Variants in DPP6 observed in about 807,000 individuals in gnomAD.
DPP6 encodes A-type potassium channel modulatory protein DPP6.
Under a neutral mutation model 122.6 loss-of-function variants are expected in DPP6, and 69 were observed. The ratio of observed to expected loss-of-function variants is 0.56; its 90% CI spans 0.46 to 0.69. DPP6 has a LOEUF of 0.69. Among genes scored for constraint, DPP6 ranks in the 30% least tolerant of loss-of-function variants. DPP6 has a pLI of 0.00. For missense variants in DPP6, 928 were observed against 1,116.9 expected (o/e 0.83, Z 2.41); for synonymous variants, 418 against 433.1 (o/e 0.97, Z 0.43).
At chr7:153,825,503 A>T in the DPP6 span, among the ~76,000 whole-genome samples, 2 of 152,142 alleles carry the variant, frequency 1.3e-5, no homozygotes, top group East Asian at 3.9e-4. Flanking sequence ...CCATTGTACC[A>T]GACAGTGCCC....
chr7:154,873,842 A>C (rs970842352), intron 19 of DPP6, among the ~76,000 whole-genome samples: 63 of 142,610 alleles, frequency 4.4e-4, no homozygotes, highest in Non-Finnish European at 7.3e-4. Context: ...AAACACACAC[A>C]TATGCATACC....
rs529538911 is a variant in DPP6 at position 154,340,575 on chromosome 7, C to A, written c.244-105639C>A. Among the ~76,000 whole-genome samples the A allele has an allele frequency of 5.9e-5, 9 of 152,272 alleles. 1 individual carries two copies. Among genetic ancestry groups the A allele is most frequent in the African/African-American group, 1.9e-4 (8 of 41,536 alleles). On this transcript the variant is annotated intron_variant, in intron 1 of 25. Coordinates refer to ENST00000377770, the MANE Select transcript of DPP6 (RefSeq NM_130797.4). Reference sequence around the variant, plus strand: ...TTATTGTGTTTTTAAAAAGTAGGGACCCAAACTGATCTTCATGCTATCTCT... The same window carrying A: ...TTATTGTGTTTTTAAAAAGTAGGGAACCAAACTGATCTTCATGCTATCTCT...
chr7:154,343,594 T>G (rs1202211184), intron 1 of DPP6, among the ~76,000 whole-genome samples: 1 of 152,184 alleles, frequency 6.6e-6, no homozygotes, highest in Non-Finnish European at 1.5e-5. Context: ...TTAGTTTTTG[T>G]TTTTGAAACA....
the DPP6 span, among the ~76,000 whole-genome samples, chr7:153,839,051 T>C: frequency 1.3e-5 from 2 of 152,068 alleles, no homozygotes; most frequent in African/African-American, 2.4e-5. Flanking sequence ...GCCTGAGAGT[T>C]TGCACTTCTA....
chr7:154,262,925 G>A (rs765047805), intron 1 of DPP6, among the ~76,000 whole-genome samples: 7 of 152,190 alleles, frequency 4.6e-5, no homozygotes, highest in South Asian at 2.1e-4. Flanking sequence ...GCACGTTTCC[G>A]ATTTATTAGG....
chr7:154,023,311 C>G (rs1049029636), intron 1 of DPP6, among the ~76,000 whole-genome samples: 4 of 129,432 alleles, frequency 3.1e-5, no homozygotes, highest in Non-Finnish European at 6.5e-5. Context: ...GGAAATGTTT[C>G]TTGTCTGCAC....
At chr7:153,897,092 G>A (rs954791363) in intron 1 of DPP6, among the ~76,000 whole-genome samples, 5 of 152,032 alleles carry the variant, frequency 3.3e-5, no homozygotes, top group Admixed American at 3.3e-4. Flanking sequence ...TTTTGTCTGT[G>A]CTATGTTATT....
chr7:154,091,714 C>T (rs1386360333), intron 1 of DPP6, among the ~76,000 whole-genome samples: 2 of 152,148 alleles, frequency 1.3e-5, no homozygotes, highest in Non-Finnish European at 2.9e-5. Flanking sequence ...CTCTTCCCCC[C>T]CTCACCACGT....
intron 1 of DPP6, chr7:154,092,905 A>G (rs190546604): frequency 1.3e-5 from 2 of 152,262 alleles, no homozygotes; most frequent in Non-Finnish European, 2.9e-5. Context: ...GTCTGCGCCC[A>G]TCAGTTGGCA....
At chr7:153,952,338 G>A (rs1981633) in intron 1 of DPP6, among the ~76,000 whole-genome samples, 65,172 of 152,116 alleles carry the variant, frequency 0.43, 14,186 homozygotes, top group Admixed American at 0.52. Context: ...CCATTTCACA[G>A]AGGATTAAAC....
intron 1 of DPP6, among the ~76,000 whole-genome samples, chr7:154,318,725 T>C (rs1014926104): frequency 5.3e-5 from 8 of 152,226 alleles, no homozygotes; most frequent in African/African-American, 1.9e-4. Flanking sequence ...TTTCTTTCTT[T>C]CTTGGGCTCA....
intron 1 of DPP6, among the ~76,000 whole-genome samples, chr7:154,363,405 T>C (rs1467161593): frequency 6.6e-6 from 1 of 152,180 alleles, no homozygotes; most frequent in Non-Finnish European, 1.5e-5. Flanking sequence ...TTTGGGGAAG[T>C]TGCTGAAGAA....
At position 154,811,453 on chromosome 7, in the gene DPP6, C is replaced by A. The variant is rs143642049; in HGVS notation, c.1666+4341C>A. 3.0e-4 allele frequency among the ~76,000 whole-genome samples: 46 copies of A among 152,212 alleles called. 1 individual carries two copies. Among genetic ancestry groups the A allele is most frequent in the Admixed American group, 2.7e-3 (42 of 15,276 alleles). ...TTATACCCATTTGGATTGCTTGGGG[C>A]ATTTTGCTGGAGGAGAAGACTCAAG... On this transcript the variant is annotated intron_variant, in intron 16 of 25. Coordinates refer to ENST00000377770, the MANE Select transcript of DPP6 (RefSeq NM_130797.4).
intron 1 of DPP6, among the ~76,000 whole-genome samples, chr7:154,181,516 C>T (rs1798081573): frequency 6.6e-6 from 1 of 152,176 alleles, no homozygotes; most frequent in South Asian, 2.1e-4. Flanking sequence ...CCTGAAACTC[C>T]TGTCCTCTTC....
chr7:154,137,945 T>C (rs1220661573), intron 1 of DPP6, among the ~76,000 whole-genome samples: 8 of 152,180 alleles, frequency 5.3e-5, no homozygotes, highest in Admixed American at 4.6e-4. Context: ...ACACTGATGT[T>C]CTGGTGTTGC....
intron 1 of DPP6, among the ~76,000 whole-genome samples, chr7:154,392,771 A>G (rs866418134): frequency 2.6e-5 from 4 of 152,326 alleles, no homozygotes; most frequent in Admixed American, 1.3e-4. Context: ...CAAGGTTATA[A>G]TTGTGTAGAA....
chr7:154,298,933 G>T (rs1805720658), intron 1 of DPP6, among the ~76,000 whole-genome samples: 1 of 152,160 alleles, frequency 6.6e-6, no homozygotes, highest in African/African-American at 2.4e-5. Flanking sequence ...GAGACCCTCG[G>T]CCTCCCTGCC....
intron 1 of DPP6, among the ~76,000 whole-genome samples, chr7:154,239,478 TAATG>T (rs1801432858): frequency 6.6e-6 from 1 of 152,180 alleles, no homozygotes; most frequent in African/African-American, 2.4e-5. Flanking sequence ...CACTTCCACT[TAATG>T]AATAATATTT....
chr7:154,111,308 C>T (rs372663744), intron 1 of DPP6, among the ~76,000 whole-genome samples: 20 of 152,288 alleles, frequency 1.3e-4, no homozygotes, highest in East Asian at 1.2e-3. Context: ...TGCCCACTCC[C>T]GGCTTGACCA....
Sources: allele counts gnomAD v4.1 joint callset (sites outside exome capture counted in the v4.1 genomes callset), GRCh38; gene constraint gnomAD v4.1.1; transcripts MANE v1.5; gene names NCBI Gene and HGNC (gene_info 2026-07-23, HGNC 2026-07-21).